Variants in TMEM178B observed in about 807,000 individuals in gnomAD.
TMEM178B encodes the protein transmembrane protein 178B.
TMEM178B carries 5 observed loss-of-function variants against 31.0 expected under a neutral mutation model. The ratio of observed to expected loss-of-function variants is 0.16; its 90% CI spans 0.08 to 0.34. TMEM178B has a LOEUF of 0.34. Ranked by LOEUF, TMEM178B falls within the 10% of genes least tolerant of loss-of-function variation. The pLI, the probability that TMEM178B is intolerant of heterozygous loss-of-function variation, is 1.00. For missense variants in TMEM178B, 275 were observed against 400.3 expected, an observed-to-expected ratio of 0.69 and a Z score of 2.67; for synonymous variants, 164 against 164.0, an observed-to-expected ratio of 1.00 and a Z score of 0.00.
At chr7:141,238,896 G>A (rs1347951694) in intron 2 of TMEM178B, among the ~76,000 whole-genome samples, 2 of 152,216 alleles carry the variant, frequency 1.3e-5, no homozygotes, top group Admixed American at 6.5e-5. Flanking sequence ...CTTTGGACTC[G>A]TTAGCAAAGG....
At chr7:141,391,788 T>C (rs1800547415) in intron 2 of TMEM178B, among the ~76,000 whole-genome samples, 2 of 152,188 alleles carry the variant, frequency 1.3e-5, no homozygotes, top group South Asian at 4.1e-4. Context: ...ACGCCTGTTA[T>C]TTTGTGAGTG....
chr7:141,426,031 G>A (rs779167579), intron 2 of TMEM178B, among the ~76,000 whole-genome samples: 1 of 152,102 alleles, frequency 6.6e-6, no homozygotes, highest in Non-Finnish European at 1.5e-5. Context: ...CTGGAATCTG[G>A]CCCCATGTTG....
At chr7:141,193,301 A>C (rs988199936) in intron 1 of TMEM178B, among the ~76,000 whole-genome samples, 1 of 152,186 alleles carries the variant, frequency 6.6e-6, no homozygotes, top group South Asian at 2.1e-4. Context: ...ACTAGATAAG[A>C]GACAGCTGTC....
chr7:141,317,097 G>A lies in TMEM178B; in HGVS notation c.496+104393G>A, dbSNP rs540172296. Among the ~76,000 whole-genome samples, 11 of 152,226 alleles carry A rather than the reference G, an allele frequency of 7.2e-5. No individual in the cohort carries two copies. In the South Asian group the frequency reaches 8.3e-4, roughly 11 times the overall value. ...TTTTCCTTTAGTAGACATAGACCAT[G>A]TGACTGTGAGTTTATCCTACATCTG... On this transcript the variant is annotated intron_variant, in intron 2 of 3. Coordinates refer to ENST00000565468, the MANE Select transcript of TMEM178B (RefSeq NM_001195278.2).
chr7:141,222,516 T>C (rs1285801290), intron 2 of TMEM178B, among the ~76,000 whole-genome samples: 1 of 152,202 alleles, frequency 6.6e-6, no homozygotes, highest in Non-Finnish European at 1.5e-5. Flanking sequence ...GTAAAATAAT[T>C]CATGCACAAT....
In TMEM178B at chr7:141,344,913, A is replaced by AC. The variant is rs1430594819; in HGVS notation, c.497-92694dup. Among the ~76,000 whole-genome samples, 1 of 152,236 alleles carries AC rather than the reference A, an allele frequency of 6.6e-6. No homozygotes were observed. The highest frequency in any genetic ancestry group is 6.5e-5 in the Admixed American group (1 of 15,284). On this transcript the variant is annotated intron_variant, in intron 2 of 3. Coordinates refer to ENST00000565468, the MANE Select transcript of TMEM178B (RefSeq NM_001195278.2). The surrounding 1 kb of genome is among the most constrained non-coding windows in gnomAD (Gnocchi z 4.1). Reference sequence around the variant, plus strand: ...CTTGGTTGTAAAGTGACAGAAATGAACAGGACCACATCTCTGATGCTACCC... The same window carrying AC: ...CTTGGTTGTAAAGTGACAGAAATGAACCAGGACCACATCTCTGATGCTACCC...
intron 2 of TMEM178B, among the ~76,000 whole-genome samples, chr7:141,281,445 C>G (rs900332061): frequency 3.9e-5 from 6 of 152,136 alleles, no homozygotes; most frequent in African/African-American, 1.4e-4. Context: ...AGTCATTTAT[C>G]TAGTCTCTAG....
chr7:141,444,189 T>G (rs569194479), intron 3 of TMEM178B, among the ~76,000 whole-genome samples: 1 of 152,312 alleles, frequency 6.6e-6, no homozygotes, highest in African/African-American at 2.4e-5. Context: ...TGAAATGTTT[T>G]TAACATTCTG....
intron 2 of TMEM178B, among the ~76,000 whole-genome samples, chr7:141,401,964 G>T (rs1428319888): frequency 1.3e-5 from 2 of 152,144 alleles, no homozygotes; most frequent in Non-Finnish European, 2.9e-5. Flanking sequence ...GTCCTTTGCT[G>T]CATCTCCAAA....
rs1472839364 is a variant in TMEM178B, at chr7:141,344,514, T to G, written c.497-93094T>G. ...CTTTGAAATTTTTAAAAATGTAATTTTAAGACTTTTTAAAGCTGGGATTTT... is the reference window on the plus strand; with the variant it reads ...CTTTGAAATTTTTAAAAATGTAATTGTAAGACTTTTTAAAGCTGGGATTTT... On this transcript the variant is annotated intron_variant, in intron 2 of 3. Transcript: ENST00000565468. The surrounding 1 kb of genome is among the most constrained non-coding windows in gnomAD (Gnocchi z 4.1). Among the ~76,000 whole-genome samples the G allele has an allele frequency of 6.6e-6, 1 of 152,208 alleles. No individual in the cohort carries two copies. Among genetic ancestry groups the G allele is most frequent in the African/African-American group, 2.4e-5 (1 of 41,450 alleles).
chr7:141,374,586 G>A (rs1235269110), intron 2 of TMEM178B, among the ~76,000 whole-genome samples: 4 of 152,256 alleles, frequency 2.6e-5, no homozygotes, highest in East Asian at 1.9e-4. Flanking sequence ...AAAACCCCAC[G>A]CGCATACAGC....
intron 1 of TMEM178B, among the ~76,000 whole-genome samples, chr7:141,146,658 A>G (rs1157468587): frequency 1.3e-5 from 2 of 152,202 alleles, no homozygotes; most frequent in African/African-American, 4.8e-5. Flanking sequence ...AGTACTACTA[A>G]GGATCTTCAT....
chr7:141,173,181 A>G (rs562053812), intron 1 of TMEM178B: 2 of 152,344 alleles, frequency 1.3e-5, no homozygotes, highest in East Asian at 3.9e-4. Flanking sequence ...TGAACATTAT[A>G]GAGAAGTAGT....
chr7:141,417,461 G>C (rs1228780659), intron 2 of TMEM178B, among the ~76,000 whole-genome samples: 1 of 152,226 alleles, frequency 6.6e-6, no homozygotes, highest in African/African-American at 2.4e-5. Flanking sequence ...CTGACTGAGA[G>C]ATAGACCTCA....
chr7:141,364,690 G>T (rs1344565427), intron 2 of TMEM178B, among the ~76,000 whole-genome samples: 1 of 147,298 alleles, frequency 6.8e-6, no homozygotes, highest in South Asian at 2.2e-4. Flanking sequence ...AAAAAAGTTG[G>T]GCCAGGGATC....
intron 2 of TMEM178B, among the ~76,000 whole-genome samples, chr7:141,437,045 A>AC (rs1401953784): frequency 6.6e-6 from 1 of 151,718 alleles, no homozygotes; most frequent in African/African-American, 2.4e-5. Flanking sequence ...AGAACACCAG[A>AC]CCCCCCATGC....
chr7:141,396,691 G>T (rs563234292), intron 2 of TMEM178B, among the ~76,000 whole-genome samples: 12 of 152,312 alleles, frequency 7.9e-5, no homozygotes, highest in African/African-American at 2.9e-4. Context: ...ATGGGATAAG[G>T]TTTAAGGAAC....
Position 141,450,034 on chromosome 7 carries a change from T to C in TMEM178B, c.634+12289T>C, listed in dbSNP as rs538580187. ...GGACAGGCAGGAAATGGTTTGCCTT[T>C]ACTCACCATGTCTGAAATAATTGGG... is the stretch of plus-strand genomic sequence containing the variant. On this transcript the variant is annotated intron_variant, in intron 3 of 3. Coordinates refer to ENST00000565468, the MANE Select transcript of TMEM178B (RefSeq NM_001195278.2). Among the ~76,000 whole-genome samples, 166 of 152,320 alleles carry C rather than the reference T, an allele frequency of 1.1e-3. 1 individual carries two copies. The highest frequency in any genetic ancestry group is 3.7e-3 in the African/African-American group (153 of 41,580).
the TMEM178B span, among the ~76,000 whole-genome samples, chr7:141,507,662 C>T: frequency 1.5e-4 from 23 of 152,256 alleles, no homozygotes; most frequent in African/African-American, 1.4e-4. Flanking sequence ...TGCGCCACCG[C>T]GCCTGGCCCA....
Sources: gnomAD v4.1 joint callset for allele counts (sites outside exome capture counted in the v4.1 genomes callset) on GRCh38, gnomAD v4.1.1 for gene constraint, Gnocchi (gnomAD v3.1) non-coding constraint, MANE v1.5 for transcripts, NCBI Gene and HGNC (gene_info 2026-07-23, HGNC 2026-07-21) for gene names.